FRK: variants seen among roughly 807,000 people sequenced by gnomAD.
FRK encodes tyrosine-protein kinase FRK.
In FRK, 51 loss-of-function variants were observed where a neutral mutation model predicts 56.4. That is an observed-to-expected ratio of 0.90 (90% CI 0.72 to 1.14). The LOEUF is 1.14. Ranked by LOEUF, FRK falls within the 50% of genes most tolerant of loss-of-function variation. The probability of loss-of-function intolerance (pLI) is 0.00; values close to 1 mark genes in which losing one functional copy is unlikely to be tolerated. For missense variants in FRK, 570 were observed against 601.4 expected (o/e 0.95, Z 0.55); for synonymous variants, 245 against 217.9 (o/e 1.12, Z -1.10).
chr6:116,002,235 C>T (rs545258260), intron 2 of FRK, among the ~76,000 whole-genome samples: 2 of 152,280 alleles, frequency 1.3e-5, no homozygotes, highest in Non-Finnish European at 2.9e-5. Flanking sequence ...AAGTCCCAGC[C>T]TGGTGGAGCA....
chr6:115,999,069 A>G (rs1774948767), intron 2 of FRK, among the ~76,000 whole-genome samples: 4 of 152,204 alleles, frequency 2.6e-5, no homozygotes, highest in Admixed American at 2.6e-4. Context: ...TACTTTAAAC[A>G]ATAAATAATA....
chr6:116,078,328 AAT>A, the FRK span, among the ~76,000 whole-genome samples: 4 of 152,198 alleles, frequency 2.6e-5, no homozygotes, highest in African/African-American at 9.7e-5. Flanking sequence ...AAGACAATAC[AAT>A]AGTCTCCTGG....
intron 1 of FRK, among the ~76,000 whole-genome samples, chr6:116,013,054 C>T (rs912034885): frequency 1.3e-5 from 2 of 152,118 alleles, no homozygotes; most frequent in African/African-American, 4.8e-5. Context: ...TTGCTTGGGT[C>T]ATTTGATAAA....
At chr6:116,076,048 T>C in the FRK span, among the ~76,000 whole-genome samples, 1 of 151,956 alleles carries the variant, frequency 6.6e-6, no homozygotes, top group South Asian at 2.1e-4. Context: ...CTCATCTTCA[T>C]TATTGTTTTC....
In FRK at chr6:115,935,633, G is replaced by T. The variant is rs1009726119; in HGVS notation, c.*6781C>A. On this transcript the variant is annotated 3_prime_UTR_variant, in exon 8 of 8. Coordinates refer to ENST00000606080, the MANE Select transcript of FRK (RefSeq NM_002031.3). ...CTCATTGCAAGCACAGCAGTCTGAG[G>T]TCGACCTGGGACACTCGAGCTTGGA... The T allele has an allele frequency of 6.6e-6, 1 of 152,366 alleles. No individual in the cohort carries two copies. The highest frequency in any genetic ancestry group is 2.4e-5 in the African/African-American group (1 of 41,452). The allele number at this position is 152,366 out of a possible 1,614,324, so 9.4% of individuals were successfully genotyped here. A position where few individuals can be genotyped will look rare whatever the true frequency, so the allele number is the denominator to read the frequency against.
Position 116,060,436 on chromosome 6 carries a change from T to C in FRK, c.-125A>G, listed in dbSNP as rs1177981231. The C allele has an allele frequency of 1.4e-6, 1 of 710,616 alleles. No homozygotes were observed. Among genetic ancestry groups the C allele is most frequent in the African/African-American group, 1.8e-5 (1 of 56,046 alleles). The allele number at this position is 710,616 out of a possible 1,614,324, so 44.0% of individuals were successfully genotyped here. ...CCAACTCACCATACTTCGGAGAGTATGCAAAGTCCCGTTTCAGATCAGTCC... is the reference window on the plus strand; with the variant it reads ...CCAACTCACCATACTTCGGAGAGTACGCAAAGTCCCGTTTCAGATCAGTCC... On this transcript the variant is annotated 5_prime_UTR_variant, in exon 1 of 8. Coordinates refer to ENST00000606080, the MANE Select transcript of FRK (RefSeq NM_002031.3).
the FRK span, among the ~76,000 whole-genome samples, chr6:116,082,991 T>C: frequency 1.4e-4 from 21 of 151,254 alleles, no homozygotes; most frequent in Non-Finnish European, 2.7e-4. Context: ...GATGAGGAAG[T>C]TCAAGGAACG....
At chr6:115,959,912 G>A (rs562814874) in intron 4 of FRK, among the ~76,000 whole-genome samples, 4 of 152,078 alleles carry the variant, frequency 2.6e-5, no homozygotes, top group Admixed American at 6.5e-5. Flanking sequence ...TTTTCAGTTC[G>A]TGGAACCCTT....
chr6:116,086,359 C>T, the FRK span, among the ~76,000 whole-genome samples: 1 of 151,988 alleles, frequency 6.6e-6, no homozygotes, highest in Non-Finnish European at 1.5e-5. Flanking sequence ...TGATAAAATC[C>T]ATAAACCTAA....
the FRK span, among the ~76,000 whole-genome samples, chr6:116,084,657 A>T: frequency 6.6e-6 from 1 of 152,324 alleles, no homozygotes; most frequent in East Asian, 1.9e-4. Flanking sequence ...TGGCCAAAAC[A>T]GGTCACAAAG....
chr6:116,085,482 A>C, the FRK span, among the ~76,000 whole-genome samples: 2 of 152,244 alleles, frequency 1.3e-5, no homozygotes, highest in African/African-American at 2.4e-5. Context: ...TCAAGTAAGA[A>C]AGCAAAAGTG....
intron 2 of FRK, among the ~76,000 whole-genome samples, chr6:115,971,279 C>T (rs145802058): frequency 1.8e-4 from 28 of 152,252 alleles, no homozygotes; most frequent in Admixed American, 6.5e-5. Flanking sequence ...GTAACATACA[C>T]GTAGAATATT....
rs774725821 is a variant in FRK, at chr6:115,956,542, T to C, written c.868A>G (p.Ile290Val). Residue 290 changes from isoleucine (I) to valine (V), a missense_variant, in exon 5 of 8, where the codon ATC becomes GTC. Coordinates refer to ENST00000606080, the MANE Select transcript of FRK (RefSeq NM_002031.3). ...IMKNLRHPKL[I>V]QLYAVCTLED... ...AAAGTGCAAACAGCATAAAGCTGGA[T>C]AAGCTTTGGATGTCTTAGGTTCTTC... 4 of 1,595,078 alleles carry C rather than the reference T, an allele frequency of 2.5e-6. No individual in the cohort carries two copies. Among genetic ancestry groups the C allele is most frequent in the Admixed American group, 1.7e-5 (1 of 57,654 alleles).
At chr6:116,017,631 G>T (rs959181607) in intron 1 of FRK, among the ~76,000 whole-genome samples, 4 of 152,140 alleles carry the variant, frequency 2.6e-5, no homozygotes, top group Admixed American at 6.6e-5. Context: ...TCAAACTCCA[G>T]TTTCTGAAGA....
the FRK span, among the ~76,000 whole-genome samples, chr6:116,088,093 T>A: frequency 6.6e-6 from 1 of 152,204 alleles, no homozygotes; most frequent in African/African-American, 2.4e-5. Context: ...TCATGGGACA[T>A]GCCAGCAGAA....
the FRK span, among the ~76,000 whole-genome samples, chr6:116,087,086 A>C: frequency 2.0e-5 from 3 of 152,244 alleles, no homozygotes; most frequent in African/African-American, 7.2e-5. Flanking sequence ...TGAATGAAAG[A>C]AGCATTGCCA....
At chr6:115,945,629 A>G (rs572389702) in intron 5 of FRK, among the ~76,000 whole-genome samples, 46 of 152,276 alleles carry the variant, frequency 3.0e-4, no homozygotes, top group Non-Finnish European at 1.2e-4. Context: ...TGAGCCAATG[A>G]AAAATTCTCA....
intron 5 of FRK, among the ~76,000 whole-genome samples, chr6:115,953,903 G>A (rs1772888019): frequency 6.6e-6 from 1 of 152,058 alleles, no homozygotes; most frequent in Non-Finnish European, 1.5e-5. Flanking sequence ...CTGCCTGTGT[G>A]GAGTTATATT....
intron 1 of FRK, among the ~76,000 whole-genome samples, chr6:116,038,379 A>G (rs1382297156): frequency 6.6e-6 from 1 of 152,214 alleles, no homozygotes; most frequent in African/African-American, 2.4e-5. Context: ...GCAGATGCCT[A>G]TAAAACTCCA....
Sources: allele counts gnomAD v4.1 joint callset (sites outside exome capture counted in the v4.1 genomes callset), GRCh38; gene constraint gnomAD v4.1.1; transcripts MANE v1.5; gene names NCBI Gene and HGNC (gene_info 2026-07-23, HGNC 2026-07-21).